C12orf42: variants seen among roughly 807,000 people sequenced by gnomAD.
The protein encoded by C12orf42 is uncharacterized protein C12orf42.
C12orf42 carries 25 observed loss-of-function variants against 21.6 expected under a neutral mutation model. The observed-to-expected ratio is 1.16, with a 90% CI of 0.84 to 1.62. The LOEUF (loss-of-function observed/expected upper bound fraction) is 1.62. C12orf42 is among the 40% of genes most tolerant of loss of function. C12orf42 has a pLI of 0.00. For missense variants in C12orf42, 483 were observed against 459.3 expected (o/e 1.05, Z -0.47); for synonymous variants, 174 against 175.0 (o/e 0.99, Z 0.05).
the C12orf42 span, among the ~76,000 whole-genome samples, chr12:103,534,803 G>C: frequency 6.6e-6 from 1 of 152,186 alleles, no homozygotes; most frequent in Non-Finnish European, 1.5e-5. Context: ...AACAGCCTGG[G>C]AAGACAGAAA....
chr12:103,461,894 T>C (rs1365427730), intron 2 of C12orf42, among the ~76,000 whole-genome samples: 1 of 151,944 alleles, frequency 6.6e-6, no homozygotes, highest in African/African-American at 2.4e-5. Context: ...GAAAAGAGCT[T>C]TGTAAGTTGC....
At chr12:103,374,463 C>A (rs79485547) in intron 3 of C12orf42, among the ~76,000 whole-genome samples, 1 of 152,138 alleles carries the variant, frequency 6.6e-6, no homozygotes, top group Non-Finnish European at 1.5e-5. Flanking sequence ...CATCTCTTGG[C>A]TTTGAATTAC....
chr12:103,435,262 A>G (rs552489528), intron 2 of C12orf42, among the ~76,000 whole-genome samples: 4 of 152,320 alleles, frequency 2.6e-5, no homozygotes, highest in African/African-American at 9.6e-5. Context: ...CATCACCATC[A>G]TCAAAGACCA....
chr12:103,068,868 C>CCTCTCT, the C12orf42 span, among the ~76,000 whole-genome samples: 1,411 of 134,002 alleles, frequency 0.011, 14 homozygotes, highest in Middle Eastern at 0.016. Context: ...ATAATAAACT[C>CCTCTCT]CTCTCTCTAT....
chr12:103,279,019 T>G (rs2136298244), intron 4 of C12orf42, among the ~76,000 whole-genome samples: 1 of 152,344 alleles, frequency 6.6e-6, no homozygotes, highest in South Asian at 2.1e-4. Flanking sequence ...TAATCTCCTC[T>G]GGGCTCATCT....
At chr12:103,519,584 G>T in the C12orf42 span, among the ~76,000 whole-genome samples, 26 of 152,064 alleles carry the variant, frequency 1.7e-4, no homozygotes, top group African/African-American at 6.3e-4. Flanking sequence ...TTTTGGAAAG[G>T]GGGCACAAAC....
the C12orf42 span, among the ~76,000 whole-genome samples, chr12:103,177,089 G>T: frequency 6.6e-6 from 1 of 151,530 alleles, no homozygotes; most frequent in Non-Finnish European, 1.5e-5. Flanking sequence ...GATAGCACTT[G>T]CCTGAACTAT....
chr12:103,374,556 A>G (rs1056611057), intron 3 of C12orf42, among the ~76,000 whole-genome samples: 1 of 152,120 alleles, frequency 6.6e-6, no homozygotes, highest in Admixed American at 6.6e-5. Context: ...TATTTGTGAG[A>G]TGAGGGTTCA....
At chr12:103,379,716 C>T (rs936242251) in intron 3 of C12orf42, among the ~76,000 whole-genome samples, 1 of 152,182 alleles carries the variant, frequency 6.6e-6, no homozygotes, top group African/African-American at 2.4e-5. Context: ...TCCCTTCCAT[C>T]CCAGGCTTCG....
chr12:103,445,249 C>A (rs140669620), intron 2 of C12orf42, among the ~76,000 whole-genome samples: 1 of 152,054 alleles, frequency 6.6e-6, no homozygotes, highest in Admixed American at 6.6e-5. Context: ...CACTGCAGAA[C>A]TGATTGCTTG....
chr12:103,392,410 A>G (rs139766506), intron 3 of C12orf42, among the ~76,000 whole-genome samples: 47 of 152,340 alleles, frequency 3.1e-4, no homozygotes, highest in African/African-American at 1.1e-3. Context: ...GAATTTGTAG[A>G]TCACTTTGGG....
chr12:103,474,813 A>C (rs575624327), intron 2 of C12orf42, among the ~76,000 whole-genome samples: 1 of 152,198 alleles, frequency 6.6e-6, no homozygotes, highest in East Asian at 1.9e-4. Flanking sequence ...CTACATGTTC[A>C]TGGGTTCTGC....
chr12:103,065,202 C>T, the C12orf42 span, among the ~76,000 whole-genome samples: 1 of 152,200 alleles, frequency 6.6e-6, no homozygotes, highest in Non-Finnish European at 1.5e-5. Flanking sequence ...TTCAACTCTC[C>T]TATTTGGCCT....
chr12:103,387,056 C>T (rs1450609941), intron 3 of C12orf42, among the ~76,000 whole-genome samples: 1 of 152,224 alleles, frequency 6.6e-6, no homozygotes, highest in Non-Finnish European at 1.5e-5. Context: ...TTTGTGAACA[C>T]TTCTAGTGCG....
At chr12:103,223,798 C>T in the C12orf42 span, among the ~76,000 whole-genome samples, 1 of 152,192 alleles carries the variant, frequency 6.6e-6, no homozygotes, top group Non-Finnish European at 1.5e-5. Context: ...TACCCTGTAG[C>T]ATTCCGAGGA....
chr12:103,253,787 C>G (rs1165512930), intron 10 of C12orf42, among the ~76,000 whole-genome samples: 2 of 151,812 alleles, frequency 1.3e-5, no homozygotes, highest in African/African-American at 4.8e-5. Context: ...CCCAAAAACT[C>G]CTTAAGGTGA....
At chr12:103,067,118 C>T in the C12orf42 span, among the ~76,000 whole-genome samples, 1 of 152,190 alleles carries the variant, frequency 6.6e-6, no homozygotes, top group Admixed American at 6.5e-5. Flanking sequence ...CAGCCAGCTA[C>T]CTGATGGCAG....
At chr12:103,180,602 T>TTAAAA in the C12orf42 span, among the ~76,000 whole-genome samples, 1 of 150,358 alleles carries the variant, frequency 6.7e-6, no homozygotes, top group African/African-American at 2.5e-5. Context: ...GAATCTGCAT[T>TTAAAA]TAAAATAATT....
the C12orf42 span, among the ~76,000 whole-genome samples, chr12:103,194,893 C>G: frequency 6.6e-6 from 1 of 152,110 alleles, no homozygotes; most frequent in African/African-American, 2.4e-5. Context: ...TATTTCATCA[C>G]CCAGGTAACA....
Sources: gnomAD v4.1 joint callset for allele counts (sites outside exome capture counted in the v4.1 genomes callset) on GRCh38, gnomAD v4.1.1 for gene constraint, MANE v1.5 for transcripts, NCBI Gene and HGNC (gene_info 2026-07-23, HGNC 2026-07-21) for gene names.